PARG: variants seen among roughly 807,000 people sequenced by gnomAD.
The protein encoded by PARG is mitochondrial poly(ADP-ribose) glycohydrolase.
PARG carries 35 observed loss-of-function variants against 113.0 expected under a neutral mutation model. The observed-to-expected ratio is 0.31, with a 90% CI of 0.24 to 0.41. The LOEUF (loss-of-function observed/expected upper bound fraction) is 0.41, where lower values mean the gene tolerates loss of function less well. PARG is among the 10% of genes least tolerant of loss of function. The pLI, the probability that PARG is intolerant of heterozygous loss-of-function variation, is 1.00. For missense variants in PARG, 797 were observed against 1,169.4 expected (o/e 0.68, Z 4.64); for synonymous variants, 330 against 409.9 (o/e 0.81, Z 2.36).
chr10:49,853,600 T>C (rs1421811102), intron 13 of PARG, among the ~76,000 whole-genome samples: 3 of 151,978 alleles, frequency 2.0e-5, no homozygotes, highest in Admixed American at 6.6e-5. Flanking sequence ...GTTGAGGAAG[T>C]GTTGAGTACA....
At chr10:49,910,294 A>G (rs373258449) in intron 7 of PARG, among the ~76,000 whole-genome samples, 158 of 151,388 alleles carry the variant, frequency 1.0e-3, no homozygotes, top group East Asian at 3.5e-3. Context: ...ACAATTTCTA[A>G]GTTGCAATAA....
At position 49,850,190 on chromosome 10, in the gene PARG, C is replaced by T. The variant is rs1442592427; in HGVS notation, c.2354-6558G>A. Among the ~76,000 whole-genome samples, 43 of 138,710 alleles carry T rather than the reference C, an allele frequency of 3.1e-4. No individual in the cohort carries two copies. In the East Asian group the frequency reaches 3.7e-3, roughly 12 times the overall value. The allele number at this position is 138,710 out of a possible 152,430, so 91.0% of individuals were successfully genotyped here. On this transcript the variant is annotated intron_variant, in intron 13 of 17. Coordinates refer to ENST00000616448, the MANE Select transcript of PARG (RefSeq NM_003631.5). Reference sequence around the variant, plus strand: ...TAATCCGAAGGCACTACATAACTGACGCATACTAAAAATTCACATCTACAA... The same window carrying T: ...TAATCCGAAGGCACTACATAACTGATGCATACTAAAAATTCACATCTACAA...
chr10:49,891,729 A>C (rs1847818065), intron 7 of PARG, among the ~76,000 whole-genome samples: 1 of 147,896 alleles, frequency 6.8e-6, no homozygotes. Flanking sequence ...TCCCAGATTC[A>C]AGCGATTCTC....
At chr10:49,822,391 T>C (rs929841706) in intron 16 of PARG, among the ~76,000 whole-genome samples, 1 of 152,196 alleles carries the variant, frequency 6.6e-6, no homozygotes, top group Non-Finnish European at 1.5e-5. Flanking sequence ...TCTCAAGAAG[T>C]GCTTAATGCT....
intron 7 of PARG, among the ~76,000 whole-genome samples, chr10:49,908,952 T>G (rs1230500980): frequency 6.6e-6 from 1 of 152,176 alleles, no homozygotes; most frequent in Non-Finnish European, 1.5e-5. Flanking sequence ...GAAATGTTTA[T>G]AGACAGTTTA....
intron 7 of PARG, among the ~76,000 whole-genome samples, chr10:49,895,097 C>T (rs1554842412): frequency 1.3e-5 from 2 of 152,142 alleles, no homozygotes; most frequent in Non-Finnish European, 1.5e-5. Context: ...TCCAGTGTGG[C>T]CTCATCTTAA....
chr10:49,926,255 A>G (rs1838158597), intron 4 of PARG, among the ~76,000 whole-genome samples: 1 of 152,158 alleles, frequency 6.6e-6, no homozygotes, highest in African/African-American at 2.4e-5. Flanking sequence ...TATGAATTAA[A>G]GAATAAAAGA....
intron 1 of PARG, among the ~76,000 whole-genome samples, chr10:49,940,304 C>CCA (rs1432324298): frequency 6.9e-6 from 1 of 144,970 alleles, no homozygotes; most frequent in Admixed American, 7.0e-5. Flanking sequence ...CACACACCAG[C>CCA]CACACAGACT....
intron 11 of PARG, among the ~76,000 whole-genome samples, chr10:49,863,135 C>T (rs556879331): frequency 3.3e-5 from 5 of 149,536 alleles, no homozygotes; most frequent in East Asian, 2.0e-4. Flanking sequence ...GAGTCAGAGA[C>T]GTAGATGATT....
At chr10:49,884,432 C>T (rs1310673391) in intron 8 of PARG, among the ~76,000 whole-genome samples, 3 of 152,194 alleles carry the variant, frequency 2.0e-5, no homozygotes, top group Admixed American at 2.0e-4. Flanking sequence ...ATACTCGTCT[C>T]TACTAAAAGT....
chr10:49,833,142 G>C, intron 15 of PARG: 2 of 287,120 alleles, frequency 7.0e-6, no homozygotes, highest in Non-Finnish European at 6.4e-6. Context: ...TTGTTTGAAT[G>C]CTAAGCACAT....
chr10:49,893,542 G>A (rs1427678883), intron 7 of PARG, among the ~76,000 whole-genome samples: 2 of 151,976 alleles, frequency 1.3e-5, no homozygotes, highest in African/African-American at 4.8e-5. Context: ...TGTGAGACAG[G>A]GTCTCACTGT....
At chr10:49,915,454 CA>C (rs1276277677) in intron 7 of PARG, among the ~76,000 whole-genome samples, 2 of 152,028 alleles carry the variant, frequency 1.3e-5, no homozygotes, top group African/African-American at 4.8e-5. Context: ...GATTTTATGA[CA>C]AAAGTTTTTA....
intron 7 of PARG, among the ~76,000 whole-genome samples, chr10:49,893,501 C>CA (rs1365515730): frequency 6.6e-6 from 1 of 152,106 alleles, no homozygotes; most frequent in Non-Finnish European, 1.5e-5. Context: ...ATTTCGCCGT[C>CA]TTTTAAAATT....
At chr10:49,915,555 A>C (rs184807808) in intron 7 of PARG, among the ~76,000 whole-genome samples, 17 of 152,248 alleles carry the variant, frequency 1.1e-4, no homozygotes, top group African/African-American at 3.4e-4. Context: ...ATATGGGAAA[A>C]TATATATACA....
At chr10:49,901,501 T>C (rs1299219157) in intron 7 of PARG, among the ~76,000 whole-genome samples, 2 of 151,882 alleles carry the variant, frequency 1.3e-5, no homozygotes, top group South Asian at 2.1e-4. Context: ...GTAACGTGCA[T>C]ACATACATAT....
chr10:49,903,562 T>C (rs1167978828), intron 7 of PARG, among the ~76,000 whole-genome samples: 5 of 152,084 alleles, frequency 3.3e-5, no homozygotes, highest in Admixed American at 3.3e-4. Flanking sequence ...TATTCAGACA[T>C]TTCGTGGCTA....
intron 10 of PARG, among the ~76,000 whole-genome samples, chr10:49,866,711 T>C (rs1291824511): frequency 5.9e-5 from 9 of 152,246 alleles, no homozygotes; most frequent in South Asian, 4.1e-4. Flanking sequence ...CAAAAATGCC[T>C]TGAGAGCACG....
At chr10:49,828,829 C>T (rs546583531) in intron 16 of PARG, among the ~76,000 whole-genome samples, 78 of 152,126 alleles carry the variant, frequency 5.1e-4, no homozygotes, top group African/African-American at 1.7e-3. Flanking sequence ...GAGCTATGAT[C>T]GCGCCATTGC....
Sources: allele counts gnomAD v4.1 joint callset (sites outside exome capture counted in the v4.1 genomes callset), GRCh38; gene constraint gnomAD v4.1.1; transcripts MANE v1.5; gene names NCBI Gene and HGNC (gene_info 2026-07-23, HGNC 2026-07-21).